CA8: variants seen among roughly 807,000 people sequenced by gnomAD.
CA8 encodes the protein carbonic anhydrase-related protein.
CA8 carries 22 observed loss-of-function variants against 41.4 expected under a neutral mutation model. The ratio of observed to expected loss-of-function variants is 0.53; its 90% confidence interval spans 0.38 to 0.76. The LOEUF is 0.76. CA8 is among the 30% of genes least tolerant of loss of function. CA8 has a pLI of 0.00. For missense variants in CA8, 270 were observed against 352.8 expected (o/e 0.77, Z 1.88); for synonymous variants, 121 against 130.6 (o/e 0.93, Z 0.50).
chr8:60,226,764 A>G, intron 5 of CA8, 109 bp downstream of exon 5: 1 of 710,140 alleles, frequency 1.4e-6, no homozygotes, highest in South Asian at 1.5e-5. Context: ...CAAGGACAGC[A>G]GCTTTTCTGA....
At chr8:60,279,372 C>G (rs1462001475) in intron 2 of CA8, among the ~76,000 whole-genome samples, 4 of 152,144 alleles carry the variant, frequency 2.6e-5, no homozygotes, top group African/African-American at 9.7e-5. Context: ...CAATTTTGGA[C>G]AAAACGCAGA....
intron 3 of CA8, among the ~76,000 whole-genome samples, chr8:60,238,428 G>A (rs1383816280): frequency 3.9e-5 from 6 of 152,150 alleles, no homozygotes; most frequent in Non-Finnish European, 7.3e-5. Flanking sequence ...AACTGCAAAT[G>A]CAGGGACCTT....
rs534406543 is a variant in CA8, at chr8:60,195,645, T to C, written c.*36-5660A>G. On this transcript the variant is annotated intron_variant, in intron 8 of 8. Coordinates refer to ENST00000317995, the MANE Select transcript of CA8 (RefSeq NM_004056.6). ...CTCAGGCAGTTTGTACATGCTGCTC[T>C]GACCTGGAGTTAGCTGTGTGTCTGA... 2.0e-5 allele frequency among the ~76,000 whole-genome samples: 3 copies of C among 152,314 alleles called. No individual in the cohort carries two copies. The East Asian group carries it at 5.8e-4, about 29-fold the overall frequency.
At position 60,241,393 on chromosome 8, in the gene CA8, A is replaced by G. The variant is rs919309997; in HGVS notation, c.418-9014T>C. Among the ~76,000 whole-genome samples, 5 of 152,258 alleles carry G rather than the reference A, an allele frequency of 3.3e-5. No individual in the cohort carries two copies. The South Asian group carries it at 1.0e-3, about 31-fold the overall frequency. ...TCAGAGCAACTTCCCCCATGAAGACATTAATATCAAAAGGTATTTATAGTG... is the reference window on the plus strand; with the variant it reads ...TCAGAGCAACTTCCCCCATGAAGACGTTAATATCAAAAGGTATTTATAGTG... On this transcript the variant is annotated intron_variant, in intron 3 of 8. Coordinates refer to ENST00000317995, the MANE Select transcript of CA8 (RefSeq NM_004056.6).
At position 60,225,772 on chromosome 8, in the gene CA8, T is replaced by C. The variant is rs1300323438; in HGVS notation, c.576+1101A>G. Among the ~76,000 whole-genome samples the C allele has an allele frequency of 2.6e-5, 4 of 152,238 alleles. No individual in the cohort carries two copies. In the East Asian group the frequency reaches 7.7e-4, roughly 29 times the overall value. On this transcript the variant is annotated intron_variant, in intron 5 of 8. Coordinates refer to ENST00000317995, the MANE Select transcript of CA8 (RefSeq NM_004056.6). ...CCCTACAAGACTAGACTACTTCCCC[T>C]CCCCAAGGCCACTCACATTCAGCTA...
chr8:60,280,648 C>G (rs6998745), intron 1 of CA8, among the ~76,000 whole-genome samples: 1 of 152,160 alleles, frequency 6.6e-6, no homozygotes, highest in African/African-American at 2.4e-5. Flanking sequence ...CCCAAAGTCT[C>G]CAAGCCAAAA....
At chr8:60,201,192 A>G (rs1240249889) in intron 8 of CA8, among the ~76,000 whole-genome samples, 1 of 152,190 alleles carries the variant, frequency 6.6e-6, no homozygotes, top group Non-Finnish European at 1.5e-5. Flanking sequence ...TCAATATTGT[A>G]TATGTTGAGT....
chr8:60,266,088 A>ATT, intron 2 of CA8, 39 bp from the exon 3 acceptor site: 1 of 1,603,106 alleles, frequency 6.2e-7, no homozygotes, highest in Non-Finnish European at 8.5e-7. Context: ...TACAGCACAC[A>ATT]TTTACCTCAG....
intron 3 of CA8, among the ~76,000 whole-genome samples, chr8:60,258,680 C>A (rs995386604): frequency 2.0e-5 from 3 of 152,152 alleles, no homozygotes; most frequent in Non-Finnish European, 4.4e-5. Context: ...TGTTTTCCTG[C>A]AACTGGATGG....
chr8:60,209,038 T>C (rs1806740181), intron 7 of CA8, 119 bp from the exon 8 acceptor site: 1 of 1,165,598 alleles, frequency 8.6e-7, no homozygotes, highest in Non-Finnish European at 1.2e-6. Context: ...AAGAGAAAAT[T>C]AAAATTAAGC....
At chr8:60,199,661 T>C (rs1806368346) in intron 8 of CA8, among the ~76,000 whole-genome samples, 1 of 152,168 alleles carries the variant, frequency 6.6e-6, no homozygotes, top group Admixed American at 6.5e-5. Context: ...AATCTCCATA[T>C]TATCCAATAA....
At chr8:60,209,047 G>C in intron 7 of CA8, 128 bp from the exon 8 acceptor site, 1 of 1,075,566 alleles carries the variant, frequency 9.3e-7, no homozygotes, top group East Asian at 2.6e-5. Context: ...TTAAAATTAA[G>C]CTTCAAAAAG....
intron 3 of CA8, among the ~76,000 whole-genome samples, chr8:60,254,256 C>A (rs1042818096): frequency 6.6e-6 from 1 of 152,170 alleles, no homozygotes; most frequent in African/African-American, 2.4e-5. Context: ...TCTACCATCT[C>A]CCTCCCTAAC....
intron 2 of CA8, among the ~76,000 whole-genome samples, chr8:60,277,118 C>G (rs1376166630): frequency 2.6e-5 from 1 of 38,160 alleles, no homozygotes; most frequent in African/African-American, 9.8e-5. Flanking sequence ...GACTCTGTCT[C>G]AAAAGAAAAA....
chr8:60,186,227 T>C lies in CA8; in HGVS notation c.*3794A>G, dbSNP rs189355233. ...AATGTATTGTTGGGCTTACAGCATG[T>C]ATAGATGTAATATGTATAACAATAA... On this transcript the variant is annotated 3_prime_UTR_variant, in exon 9 of 9. Transcript: ENST00000317995. Among the ~76,000 whole-genome samples, 1 of 152,100 alleles carries C rather than the reference T, an allele frequency of 6.6e-6. No individual in the cohort carries two copies. Among genetic ancestry groups the C allele is most frequent in the Admixed American group, 6.5e-5 (1 of 15,276 alleles).
intron 8 of CA8, 180 bp downstream of exon 8, chr8:60,208,570 T>A: frequency 1.6e-6 from 1 of 618,650 alleles, no homozygotes; most frequent in Non-Finnish European, 2.8e-6. Flanking sequence ...CAATACTGCA[T>A]AAAATTAAAA....
intron 4 of CA8, among the ~76,000 whole-genome samples, chr8:60,230,055 G>C (rs1364389560): frequency 6.6e-6 from 1 of 152,152 alleles, no homozygotes; most frequent in African/African-American, 2.4e-5. Flanking sequence ...TCTATTTCAA[G>C]ACTCAATCCC....
intron 4 of CA8, among the ~76,000 whole-genome samples, chr8:60,231,864 A>C (rs1807657586): frequency 6.6e-6 from 1 of 152,210 alleles, no homozygotes; most frequent in Admixed American, 6.5e-5. Flanking sequence ...AGGCATTTCA[A>C]GTCATCTCAG....
At chr8:60,202,266 A>G (rs1806455705) in intron 8 of CA8, among the ~76,000 whole-genome samples, 1 of 148,994 alleles carries the variant, frequency 6.7e-6, no homozygotes, top group Admixed American at 6.7e-5. Context: ...GTTAGCCAGG[A>G]TGCTCTTATC....
Sources: allele counts gnomAD v4.1 joint callset (sites outside exome capture counted in the v4.1 genomes callset), GRCh38; gene constraint gnomAD v4.1.1; transcripts MANE v1.5; gene names NCBI Gene and HGNC (gene_info 2026-07-23, HGNC 2026-07-21).